The following COBL variants were observed in gnomAD, a reference collection of about 807,000 sequenced individuals.
COBL encodes cordon-bleu WH2 repeat protein.
A neutral mutation model predicts 98.8 loss-of-function variants in COBL; 51 were observed. The observed-to-expected ratio is 0.52, with a 90% CI of 0.41 to 0.65. The LOEUF (loss-of-function observed/expected upper bound fraction) is 0.65, where lower values mean the gene tolerates loss of function less well. COBL is among the 30% of genes least tolerant of loss of function. The pLI, the probability that COBL is intolerant of heterozygous loss-of-function variation, is 0.00. For synonymous variants in COBL, 634 were observed against 651.7 expected (o/e 0.97, Z 0.41); for missense variants, 1,617 against 1,617.5 (o/e 1.00, Z 0.01).
Position 51,219,866 on chromosome 7 carries a change from G to C in COBL, c.120C>G (p.Pro40=). ...GCTGCGACCCGAGGGCCCCATCGTG[G>C]GGGGGCTTCTGGTCACTGTGCACAT... ...TLHVHSDQKP[P]HDGALGSQQN... The change falls in exon 2 of 13, where the codon CCC becomes CCG. Residue 40 remains proline (P), a synonymous_variant. Transcript: ENST00000265136. The C allele has an allele frequency of 1.9e-6, 3 of 1,613,600 alleles. No homozygotes were observed. Among genetic ancestry groups the C allele is most frequent in the Non-Finnish European group, 8.5e-7 (1 of 1,180,024 alleles).
intron 6 of COBL, among the ~76,000 whole-genome samples, chr7:51,111,983 T>C (rs914038029): frequency 6.6e-6 from 1 of 152,212 alleles, no homozygotes; most frequent in African/African-American, 2.4e-5. Flanking sequence ...GATTAGGTAA[T>C]ATCCTCATCA....
chr7:51,253,228 T>A (rs888306623), intron 1 of COBL, among the ~76,000 whole-genome samples: 24 of 152,168 alleles, frequency 1.6e-4, no homozygotes, highest in African/African-American at 3.9e-4. Flanking sequence ...AAAAAAATAA[T>A]AAATAAATAA....
At chr7:51,160,281 T>G (rs533938779) in intron 5 of COBL, among the ~76,000 whole-genome samples, 1 of 152,330 alleles carries the variant, frequency 6.6e-6, no homozygotes, top group South Asian at 2.1e-4. Flanking sequence ...CAATAGTTGA[T>G]AGGAGTTTTA....
chr7:51,209,221 A>G (rs983884967), intron 2 of COBL, among the ~76,000 whole-genome samples: 1 of 152,132 alleles, frequency 6.6e-6, no homozygotes, highest in Non-Finnish European at 1.5e-5. Flanking sequence ...CCTCTTTCTC[A>G]TGCCAATGCT....
intron 5 of COBL, among the ~76,000 whole-genome samples, chr7:51,175,539 A>G (rs1418760899): frequency 2.0e-5 from 3 of 152,246 alleles, no homozygotes; most frequent in South Asian, 2.1e-4. Context: ...GGTTTGATAC[A>G]TCGTTAATGT....
At chr7:51,136,840 T>C (rs1799282747) in intron 5 of COBL, among the ~76,000 whole-genome samples, 1 of 152,120 alleles carries the variant, frequency 6.6e-6, no homozygotes, top group Non-Finnish European at 1.5e-5. Context: ...ACTGACAATG[T>C]GGTATAAGCA....
At chr7:51,269,810 T>G (rs933033877) in intron 1 of COBL, among the ~76,000 whole-genome samples, 2 of 152,118 alleles carry the variant, frequency 1.3e-5, no homozygotes, top group Non-Finnish European at 2.9e-5. Context: ...ACACCAATGC[T>G]CCCCATCCAA....
chr7:51,225,025 C>A (rs994040648), intron 1 of COBL, among the ~76,000 whole-genome samples: 2 of 152,044 alleles, frequency 1.3e-5, no homozygotes, highest in East Asian at 1.9e-4. Context: ...GTGTGGATGG[C>A]CTGTGCACGT....
intron 1 of COBL, among the ~76,000 whole-genome samples, chr7:51,307,979 C>T (rs1434676385): frequency 2.0e-5 from 3 of 152,184 alleles, no homozygotes; most frequent in African/African-American, 4.8e-5. Flanking sequence ...GTGGTTTAGG[C>T]AGGAGCAGGA....
intron 1 of COBL, among the ~76,000 whole-genome samples, chr7:51,292,079 G>A (rs1178682836): frequency 6.6e-6 from 1 of 151,666 alleles, no homozygotes; most frequent in East Asian, 1.9e-4. Flanking sequence ...CCCAGGAGGC[G>A]GAGGCTGTAG....
At chr7:51,102,986 C>T (rs1184954746) in intron 6 of COBL, among the ~76,000 whole-genome samples, 1 of 152,210 alleles carries the variant, frequency 6.6e-6, no homozygotes, top group Non-Finnish European at 1.5e-5. Flanking sequence ...ATCCGCTGCA[C>T]AGGCTGTGCT....
At chr7:51,088,640 T>C (rs1794514987) in intron 6 of COBL, among the ~76,000 whole-genome samples, 1 of 152,218 alleles carries the variant, frequency 6.6e-6, no homozygotes, top group Non-Finnish European at 1.5e-5. Context: ...TATCATATTT[T>C]GAGTCTTCCT....
At chr7:51,310,978 A>G (rs1229910395) in intron 1 of COBL, among the ~76,000 whole-genome samples, 1 of 150,810 alleles carries the variant, frequency 6.6e-6, no homozygotes, top group Non-Finnish European at 1.5e-5. Context: ...TTTTTTTTTA[A>G]GGGATAAGGA....
At chr7:51,219,291 T>C (rs960504775) in intron 2 of COBL, among the ~76,000 whole-genome samples, 1 of 152,212 alleles carries the variant, frequency 6.6e-6, no homozygotes, top group Non-Finnish European at 1.5e-5. Flanking sequence ...TTTAGAAAGT[T>C]GATTGCCAGT....
intron 5 of COBL, among the ~76,000 whole-genome samples, chr7:51,143,967 T>C (rs1210114661): frequency 6.6e-6 from 1 of 152,202 alleles, no homozygotes; most frequent in Non-Finnish European, 1.5e-5. Flanking sequence ...TAGCATGCTA[T>C]AGAAGAGGGT....
chr7:51,231,584 C>T (rs910792753), intron 1 of COBL, among the ~76,000 whole-genome samples: 9 of 152,170 alleles, frequency 5.9e-5, no homozygotes, highest in African/African-American at 1.9e-4. Flanking sequence ...TCCTAAGGAG[C>T]GCCAGAGGGT....
At chr7:51,133,768 T>G (rs1328658311) in intron 6 of COBL, among the ~76,000 whole-genome samples, 1 of 152,184 alleles carries the variant, frequency 6.6e-6, no homozygotes, top group Non-Finnish European at 1.5e-5. Flanking sequence ...GGAAAACCTC[T>G]TCAAAAAATA....
At chr7:51,214,385 A>G (rs1265747831) in intron 2 of COBL, among the ~76,000 whole-genome samples, 16 of 152,252 alleles carry the variant, frequency 1.1e-4, no homozygotes, top group Non-Finnish European at 5.9e-5. Context: ...ACCTGGGAAA[A>G]CCACCAGTTA....
At chr7:51,257,775 G>C (rs763714945) in intron 1 of COBL, among the ~76,000 whole-genome samples, 2 of 151,910 alleles carry the variant, frequency 1.3e-5, no homozygotes, top group Admixed American at 6.6e-5. Context: ...TTGTACACTA[G>C]AGCCATTTTA....
Sources: allele counts gnomAD v4.1 joint callset (sites outside exome capture counted in the v4.1 genomes callset), GRCh38; gene constraint gnomAD v4.1.1; transcripts MANE v1.5; gene names NCBI Gene and HGNC (gene_info 2026-07-23, HGNC 2026-07-21).